CSMD1: variants seen among roughly 807,000 people sequenced by gnomAD.
CSMD1 encodes CUB and Sushi multiple domains 1, also known as CUB and sushi domain-containing protein 1.
CSMD1 carries 213 observed loss-of-function variants against 417.5 expected under a neutral mutation model. That is an observed-to-expected ratio of 0.51 (90% confidence interval 0.46 to 0.57). The LOEUF (loss-of-function observed/expected upper bound fraction) is 0.57, where lower values mean the gene tolerates loss of function less well. Among genes scored for constraint, CSMD1 ranks in the 20% least tolerant of loss-of-function variants. CSMD1 has a pLI of 0.00. For synonymous variants in CSMD1, 2,862 were observed against 1,736.8 expected (o/e 1.65, Z -16.11); for missense variants, 6,923 against 4,529.7 (o/e 1.53, Z -15.17).
chr8:4,043,320 G>C (rs1295876981), intron 3 of CSMD1, among the ~76,000 whole-genome samples: 2 of 151,710 alleles, frequency 1.3e-5, no homozygotes, highest in East Asian at 1.9e-4. Flanking sequence ...AAAAAGAAGA[G>C]GAAAAAAGAA....
intron 7 of CSMD1, among the ~76,000 whole-genome samples, chr8:3,651,966 C>G (rs989889342): frequency 6.7e-6 from 1 of 149,422 alleles, no homozygotes; most frequent in Non-Finnish European, 1.5e-5. Flanking sequence ...AGCGCCATCA[C>G]CACCAGAGCG....
At chr8:4,420,999 T>G (rs1377884880) in intron 2 of CSMD1, among the ~76,000 whole-genome samples, 1 of 152,148 alleles carries the variant, frequency 6.6e-6, no homozygotes, top group African/African-American at 2.4e-5. Flanking sequence ...CTTTGTAAAC[T>G]GCAGTATCTG....
chr8:4,659,199 T>A (rs769001585), intron 1 of CSMD1, among the ~76,000 whole-genome samples: 5 of 151,666 alleles, frequency 3.3e-5, no homozygotes, highest in Non-Finnish European at 7.4e-5. Flanking sequence ...CACAAAAATA[T>A]ATATGGAATC....
intron 3 of CSMD1, among the ~76,000 whole-genome samples, chr8:4,228,907 C>G (rs988033317): frequency 6.6e-6 from 1 of 152,038 alleles, no homozygotes; most frequent in Non-Finnish European, 1.5e-5. Flanking sequence ...GTCTTGAACT[C>G]CTGACTGCCT....
At position 4,940,679 on chromosome 8, in the gene CSMD1, C is replaced by A. The variant is rs144142622; in HGVS notation, c.85+53653G>T. ...CTTTAACACATAAAACAAACCAATACCTTACAAGATCAAATCAACCAATTA... is the reference window on the plus strand; with the variant it reads ...CTTTAACACATAAAACAAACCAATAACTTACAAGATCAAATCAACCAATTA... On this transcript the variant is annotated intron_variant, in intron 1 of 69. Transcript: ENST00000635120. Among the ~76,000 whole-genome samples the A allele has an allele frequency of 5.1e-3, 783 of 152,214 alleles. 7 individuals carry two copies. The highest frequency in any genetic ancestry group is 0.018 in the African/African-American group (756 of 41,550).
At chr8:3,612,307 C>G (rs543834057) in intron 8 of CSMD1, among the ~76,000 whole-genome samples, 15 of 152,042 alleles carry the variant, frequency 9.9e-5, no homozygotes, top group Non-Finnish European at 1.5e-4. Flanking sequence ...ATACATGAAG[C>G]AAAAACTGAT....
At chr8:3,168,763 T>C (rs1051709274) in intron 37 of CSMD1, among the ~76,000 whole-genome samples, 2 of 152,180 alleles carry the variant, frequency 1.3e-5, no homozygotes, top group African/African-American at 4.8e-5. Context: ...TAAAAAGATT[T>C]TGTCTCATCT....
chr8:4,834,818 G>A (rs1199449666), intron 1 of CSMD1, among the ~76,000 whole-genome samples: 21 of 151,394 alleles, frequency 1.4e-4, no homozygotes, highest in African/African-American at 3.6e-4. Context: ...TTAGCCGGGC[G>A]TGGTGGTGGG....
At chr8:4,902,295 G>A (rs1176333266) in intron 1 of CSMD1, among the ~76,000 whole-genome samples, 1 of 149,028 alleles carries the variant, frequency 6.7e-6, no homozygotes, top group Non-Finnish European at 1.5e-5. Flanking sequence ...AAAAAATCCT[G>A]GCATGATGGC....
intron 1 of CSMD1, among the ~76,000 whole-genome samples, chr8:4,869,207 G>A (rs978739304): frequency 6.6e-6 from 1 of 151,820 alleles, no homozygotes; most frequent in Admixed American, 6.6e-5. Context: ...CTATAATTTA[G>A]AACTGTATTT....
At chr8:4,785,784 A>G (rs141012578) in intron 1 of CSMD1, among the ~76,000 whole-genome samples, 1 of 152,272 alleles carries the variant, frequency 6.6e-6, no homozygotes, top group East Asian at 1.9e-4. Flanking sequence ...CGGGAACCTT[A>G]TAAGATATAA....
At chr8:4,192,867 CCTT>C (rs1341379111) in intron 3 of CSMD1, among the ~76,000 whole-genome samples, 2 of 152,268 alleles carry the variant, frequency 1.3e-5, no homozygotes, top group African/African-American at 2.4e-5. Flanking sequence ...TGTATTCTGT[CCTT>C]CTAGGAACTT....
intron 3 of CSMD1, among the ~76,000 whole-genome samples, chr8:4,109,466 G>A (rs1227214793): frequency 6.6e-6 from 1 of 152,122 alleles, no homozygotes; most frequent in Non-Finnish European, 1.5e-5. Context: ...CACTAAATAT[G>A]TAACCCTACT....
At chr8:4,963,099 A>T (rs1809615423) in intron 1 of CSMD1, among the ~76,000 whole-genome samples, 1 of 152,146 alleles carries the variant, frequency 6.6e-6, no homozygotes, top group African/African-American at 2.4e-5. Context: ...CCTCCGCAAG[A>T]ATATAGGCTT....
intron 3 of CSMD1, among the ~76,000 whole-genome samples, chr8:4,283,063 G>A (rs138878438): frequency 5.3e-5 from 8 of 152,104 alleles, no homozygotes; most frequent in African/African-American, 1.9e-4. Flanking sequence ...GTTAGAAACA[G>A]ACTGTTTTTA....
intron 41 of CSMD1, among the ~76,000 whole-genome samples, chr8:3,140,949 A>G (rs1045146033): frequency 6.6e-6 from 1 of 152,230 alleles, no homozygotes; most frequent in Non-Finnish European, 1.5e-5. Flanking sequence ...TTTTGTGGTG[A>G]AAGTTGAACA....
chr8:3,292,966 G>C (rs534770357), intron 25 of CSMD1, among the ~76,000 whole-genome samples: 89 of 151,932 alleles, frequency 5.9e-4, no homozygotes, highest in Non-Finnish European at 1.0e-3. Flanking sequence ...GGCTGGTACC[G>C]GTTGTTCCTT....
chr8:3,930,656 G>A (rs887042706), intron 5 of CSMD1, among the ~76,000 whole-genome samples: 2 of 150,066 alleles, frequency 1.3e-5, no homozygotes, highest in Admixed American at 6.6e-5. Flanking sequence ...TCCTTTGTTC[G>A]GTGTACTGTC....
chr8:4,745,849 C>G (rs1003801451), intron 1 of CSMD1, among the ~76,000 whole-genome samples: 1 of 152,148 alleles, frequency 6.6e-6, no homozygotes, highest in Non-Finnish European at 1.5e-5. Context: ...GAAAATCTCA[C>G]ACTCTGCTGT....
Sources: gnomAD v4.1 joint callset for allele counts (sites outside exome capture counted in the v4.1 genomes callset) on GRCh38, gnomAD v4.1.1 for gene constraint, MANE v1.5 for transcripts, NCBI Gene and HGNC (gene_info 2026-07-23, HGNC 2026-07-21) for gene names.